The following CREBBP variants were observed in gnomAD, a reference collection of about 807,000 sequenced individuals.
CREBBP encodes CREB binding lysine acetyltransferase.
CREBBP carries 19 observed loss-of-function variants against 265.0 expected under a neutral mutation model. That is an observed-to-expected ratio of 0.07 (90% CI 0.05 to 0.11). CREBBP has a LOEUF of 0.11. CREBBP is among the 10% of genes least tolerant of loss of function. The pLI, the probability that CREBBP is intolerant of heterozygous loss-of-function variation, is 1.00. For synonymous variants in CREBBP, 1,457 were observed against 1,223.7 expected, an observed-to-expected ratio of 1.19 and a Z score of -3.98; for missense variants, 2,525 against 3,219.0, an observed-to-expected ratio of 0.78 and a Z score of 5.22.
chr16:3,861,671 GAA>G lies in CREBBP; in HGVS notation c.86-10664_86-10663del, dbSNP rs1409117184. ...CTATACCAAAAAAAAAAAAAAAAAA[GAA>G]AGAGAAAAGCTGTTTTATTAATATT... On this transcript the variant is annotated intron_variant, in intron 1 of 30. Coordinates refer to ENST00000262367, the MANE Select transcript of CREBBP (RefSeq NM_004380.3). Among the ~76,000 whole-genome samples, 95 of 117,960 alleles carry G rather than the reference GAA, an allele frequency of 8.1e-4. 1 individual carries two copies. Among genetic ancestry groups the G allele is most frequent in the African/African-American group, 2.8e-3 (89 of 31,996 alleles). The allele number at this position is 117,960 out of a possible 152,430, so 77.4% of individuals were successfully genotyped here.
At chr16:3,755,111 T>C (rs1400955461) in intron 19 of CREBBP, among the ~76,000 whole-genome samples, 1 of 152,222 alleles carries the variant, frequency 6.6e-6, no homozygotes, top group African/African-American at 2.4e-5. Context: ...AAAAATACAT[T>C]ACTTTTGTTT....
intron 1 of CREBBP, among the ~76,000 whole-genome samples, chr16:3,872,008 G>A (rs1221163983): frequency 6.6e-6 from 1 of 152,146 alleles, no homozygotes; most frequent in Non-Finnish European, 1.5e-5. Flanking sequence ...TCTTAGCAAT[G>A]GTTCAACTAA....
At chr16:3,849,458 T>C (rs2054774207) in intron 2 of CREBBP, among the ~76,000 whole-genome samples, 3 of 128,982 alleles carry the variant, frequency 2.3e-5, no homozygotes, top group African/African-American at 8.6e-5. Flanking sequence ...TGTGTGTGTG[T>C]GTGTGTGTGT....
At chr16:3,738,802 G>A in intron 25 of CREBBP, 130 bp from the exon 26 acceptor site, 2 of 704,958 alleles carry the variant, frequency 2.8e-6, no homozygotes, top group South Asian at 1.5e-5. Context: ...CTGCAATGCG[G>A]TGACGCGGTC....
chr16:3,785,596 C>G (rs2053367855), intron 5 of CREBBP, among the ~76,000 whole-genome samples: 1 of 152,246 alleles, frequency 6.6e-6, no homozygotes, highest in South Asian at 2.1e-4. Context: ...GCGCAGCGGC[C>G]AGCACATCGT....
chr16:3,793,321 G>GT (rs1168985843), intron 4 of CREBBP, 65 bp downstream of exon 4: 5 of 1,608,730 alleles, frequency 3.1e-6, no homozygotes, highest in Non-Finnish European at 3.4e-6. Context: ...GAGAGCTGCT[G>GT]TAAGAACAAT....
intron 19 of CREBBP, among the ~76,000 whole-genome samples, chr16:3,753,468 T>C (rs1341768563): frequency 6.6e-6 from 1 of 152,202 alleles, no homozygotes; most frequent in East Asian, 1.9e-4. Context: ...GGGACTAATT[T>C]ATTTGGCACT....
At chr16:3,791,567 A>G (rs1452160380) in intron 5 of CREBBP, among the ~76,000 whole-genome samples, 1 of 152,202 alleles carries the variant, frequency 6.6e-6, no homozygotes, top group Non-Finnish European at 1.5e-5. Flanking sequence ...GGGCTTTCCA[A>G]TTCCAAAAGA....
At chr16:3,875,653 T>C (rs761353586) in intron 1 of CREBBP, among the ~76,000 whole-genome samples, 2 of 152,218 alleles carry the variant, frequency 1.3e-5, no homozygotes, top group Non-Finnish European at 2.9e-5. Flanking sequence ...AGTAAATGCA[T>C]TGTTTACAGA....
intron 21 of CREBBP, chr16:3,745,613 A>C: frequency 1.9e-6 from 1 of 523,098 alleles, no homozygotes; most frequent in Non-Finnish European, 3.5e-6. Flanking sequence ...ACCAGAAAGG[A>C]AACTTTACTT....
At chr16:3,743,119 G>T (rs764862109) in intron 23 of CREBBP, 2 of 152,202 alleles carry the variant, frequency 1.3e-5, no homozygotes, top group African/African-American at 2.4e-5. Context: ...CCCCTCCAGG[G>T]GACATCTGGC....
intron 2 of CREBBP, among the ~76,000 whole-genome samples, chr16:3,842,648 A>G (rs1006312935): frequency 1.3e-5 from 2 of 152,260 alleles, no homozygotes; most frequent in East Asian, 1.9e-4. Flanking sequence ...CCTACTGTAA[A>G]TATTTTCAGA....
intron 2 of CREBBP, among the ~76,000 whole-genome samples, chr16:3,816,261 A>G (rs1381570811): frequency 1.3e-5 from 2 of 152,180 alleles, no homozygotes; most frequent in Non-Finnish European, 2.9e-5. Flanking sequence ...CAATCAATTA[A>G]CTGTTTGAGA....
chr16:3,870,222 T>A (rs183559425), intron 1 of CREBBP, among the ~76,000 whole-genome samples: 31 of 152,194 alleles, frequency 2.0e-4, no homozygotes, highest in South Asian at 2.1e-4. Flanking sequence ...CTATAGAATC[T>A]GCAGGAGGAG....
chr16:3,792,200 G>A (rs1438918693), intron 4 of CREBBP, 106 bp from the exon 5 acceptor site: 6 of 993,676 alleles, frequency 6.0e-6, no homozygotes, highest in Admixed American at 1.9e-5. Context: ...GGTAACAAGT[G>A]TAACCATAAC....
chr16:3,865,915 G>C (rs138978429), intron 1 of CREBBP, among the ~76,000 whole-genome samples: 1 of 152,118 alleles, frequency 6.6e-6, no homozygotes, highest in African/African-American at 2.4e-5. Flanking sequence ...GATTACAGGC[G>C]TGAGCCCACC....
rs2151383653 is a variant in CREBBP, at chr16:3,757,971, C to A, written c.3447G>T (p.Glu1149Asp). The change falls in exon 18 of 31, where the codon GAG becomes GAT. Residue 1149 changes from glutamate (E) to aspartate (D), a missense_variant. By Grantham distance (45) the Glu-to-Asp change is conservative (BLOSUM62 2). This residue lies in a region of CREBBP where 252 missense variants were observed against 452.5 expected (regional missense o/e 0.56). Coordinates refer to ENST00000262367, the MANE Select transcript of CREBBP (RefSeq NM_004380.3). Reference protein sequence around the residue: ...KRKLDTGQYQEPWQYVDDVWL... With the variant: ...KRKLDTGQYQDPWQYVDDVWL... The stretch of plus-strand genomic sequence containing the variant: ...AGACGTCGTCCACGTACTGCCAGGG[C>A]TCTTGGTATTGCCCTGTGTCCAGCT... 2 of 1,613,804 alleles carry A rather than the reference C, an allele frequency of 1.2e-6. No homozygotes were observed. Among genetic ancestry groups the A allele is most frequent in the Non-Finnish European group, 1.7e-6 (2 of 1,180,004 alleles).
At chr16:3,792,819 A>G (rs999706444) in intron 4 of CREBBP, among the ~76,000 whole-genome samples, 1 of 152,216 alleles carries the variant, frequency 6.6e-6, no homozygotes, top group African/African-American at 2.4e-5. Context: ...GTAAAAGGGG[A>G]GACAGAGGGC....
At chr16:3,792,704 C>T (rs2053530170) in intron 4 of CREBBP, among the ~76,000 whole-genome samples, 1 of 152,152 alleles carries the variant, frequency 6.6e-6, no homozygotes. Context: ...GGGGAGATTC[C>T]CCTAAGTTTA....
Sources: allele counts gnomAD v4.1 joint callset (sites outside exome capture counted in the v4.1 genomes callset), GRCh38; gene constraint gnomAD v4.1.1; regional missense constraint gnomAD v4.1.1; transcripts MANE v1.5; gene names NCBI Gene and HGNC (gene_info 2026-07-23, HGNC 2026-07-21).